The following ERCC1 variants were observed in gnomAD, a reference collection of about 807,000 sequenced individuals.
ERCC1 encodes the protein ERCC excision repair 1, endonuclease non-catalytic subunit.
ERCC1 carries 36 observed loss-of-function variants against 37.6 expected under a neutral mutation model. The observed-to-expected ratio is 0.96, with a 90% CI of 0.73 to 1.26. The LOEUF is 1.26. Ranked by LOEUF, ERCC1 falls within the 50% of genes most tolerant of loss-of-function variation. The pLI is 0.00. For synonymous variants in ERCC1, 156 were observed against 162.1 expected (o/e 0.96, Z 0.28); for missense variants, 349 against 376.5 (o/e 0.93, Z 0.60).
chr19:45,413,602 T>C lies in ERCC1; in HGVS notation c.843+75A>G, dbSNP rs374770437. The C allele has an allele frequency of 3.7e-6, 6 of 1,614,074 alleles. No homozygotes were observed. Among genetic ancestry groups the C allele is most frequent in the Non-Finnish European group, 5.1e-6 (6 of 1,180,024 alleles). ...TTGGTTCTTTTTTCACCTTAAAACT[T>C]TGGGGTCTCAGGTTGTGTTTATTTG... On this transcript the variant is annotated intron_variant, in intron 9 of 9. Transcript: ENST00000300853.
chr19:45,417,431 T>G (rs1974131396), intron 5 of ERCC1, among the ~76,000 whole-genome samples: 1 of 151,526 alleles, frequency 6.6e-6, no homozygotes, highest in Non-Finnish European at 1.5e-5. Context: ...CAAAGGAGGA[T>G]GAGGAGGAGG....
intron 1 of ERCC1, among the ~76,000 whole-genome samples, chr19:45,450,082 G>A (rs552689777): frequency 6.6e-6 from 1 of 152,282 alleles, no homozygotes; most frequent in East Asian, 1.9e-4. Context: ...GGATTTGATG[G>A]TCACAATTCT....
intron 3 of ERCC1, 90 bp downstream of exon 3, chr19:45,421,088 G>A: frequency 1.9e-6 from 2 of 1,079,352 alleles, no homozygotes; most frequent in East Asian, 2.4e-5. Context: ...AAAGTGGCTG[G>A]AACTCAGACC....
In ERCC1 at chr19:45,408,909, A is replaced by G. The variant is rs756736472; in HGVS notation, c.*766T>C. The G allele has an allele frequency of 6.2e-7, 1 of 1,614,108 alleles. No individual in the cohort carries two copies. Among genetic ancestry groups the G allele is most frequent in the South Asian group, 1.1e-5 (1 of 91,080 alleles). ...ACAGTTGAGTCTCAGCCACAGGTGA[A>G]GGTGGAGCCACTGGAGGAAGCCATC... On this transcript the variant is annotated 3_prime_UTR_variant, in exon 10 of 10. Transcript: ENST00000300853.
At chr19:45,439,450 C>A (rs1975061557) in intron 1 of ERCC1, among the ~76,000 whole-genome samples, 1 of 152,164 alleles carries the variant, frequency 6.6e-6, no homozygotes, top group Non-Finnish European at 1.5e-5. Flanking sequence ...TTAATCCCAG[C>A]ACTTTGGGAG....
intron 6 of ERCC1, 41 bp from the exon 7 acceptor site, chr19:45,415,001 C>G (rs1309965306): frequency 2.7e-6 from 4 of 1,466,690 alleles, no homozygotes; most frequent in Middle Eastern, 1.7e-4. Context: ...GGTGAGGTAT[C>G]AGATTATAGA....
intron 9 of ERCC1, chr19:45,410,838 G>A (rs961457509): frequency 6.7e-6 from 1 of 150,370 alleles, no homozygotes; most frequent in Middle Eastern, 3.2e-3. Flanking sequence ...GTTTTGTTTT[G>A]TTTTGAAAAG....
rs368286738 is a variant in ERCC1, at chr19:45,408,144, G to A, written c.*1531C>T. On this transcript the variant is annotated 3_prime_UTR_variant, in exon 10 of 10. Coordinates refer to ENST00000300853, the MANE Select transcript of ERCC1 (RefSeq NM_001983.4). ...GTTTCTCTCTGTAGCTTCAATGGGCGGCATGTGCCTCTCTCTGGCTCCCAG... is the reference window on the plus strand; with the variant it reads ...GTTTCTCTCTGTAGCTTCAATGGGCAGCATGTGCCTCTCTCTGGCTCCCAG... 96 of 1,598,468 alleles carry A rather than the reference G, an allele frequency of 6.0e-5. No individual in the cohort carries two copies. The highest frequency in any genetic ancestry group is 7.1e-5 in the Non-Finnish European group (83 of 1,168,508).
chr19:45,421,397 T>C lies in ERCC1; in HGVS notation c.106-4A>G, dbSNP rs572990633. 6.3e-7 allele frequency: 1 copy of C among 1,595,796 alleles called. No homozygotes were observed. Among genetic ancestry groups the C allele is most frequent in the Non-Finnish European group, 8.6e-7 (1 of 1,167,970 alleles). ...TAGATCGGAATAAGGGCTTGGCCTGTGGGGAGAAAGGGAGTTTGCAGGGGA... is the reference window on the plus strand; with the variant it reads ...TAGATCGGAATAAGGGCTTGGCCTGCGGGGAGAAAGGGAGTTTGCAGGGGA... On this transcript the variant is annotated splice_polypyrimidine_tract_variant and splice_region_variant and intron_variant, in intron 2 of 9. Transcript: ENST00000300853.
intron 1 of ERCC1, among the ~76,000 whole-genome samples, chr19:45,430,591 C>T (rs1974807419): frequency 6.6e-6 from 1 of 152,274 alleles, no homozygotes; most frequent in South Asian, 2.1e-4. Flanking sequence ...GGTTCCCCAG[C>T]ACCCCTTTGG....
intron 5 of ERCC1, 67 bp from the exon 6 acceptor site, chr19:45,416,964 G>T: frequency 8.6e-7 from 1 of 1,165,292 alleles, no homozygotes; most frequent in Non-Finnish European, 1.3e-6. Flanking sequence ...AGGCGTGGTG[G>T]CAGGTGCCTG....
At position 45,408,851 on chromosome 19, in the gene ERCC1, G is replaced by C. The variant is rs1250606238; in HGVS notation, c.*824C>G. 9 of 1,614,036 alleles carry C rather than the reference G, an allele frequency of 5.6e-6. No individual in the cohort carries two copies. The highest frequency in any genetic ancestry group is 6.8e-6 in the Non-Finnish European group (8 of 1,180,052). On this transcript the variant is annotated 3_prime_UTR_variant, in exon 10 of 10. Transcript: ENST00000300853. ...GACCAAAAAGAGAAAGAGGCAAAAG[G>C]GGACGGAAGGGATGGAGCCAGAGGA...
At position 45,414,964 on chromosome 19, in the gene ERCC1, G is replaced by A. The variant is rs758437794; in HGVS notation, c.603-4C>T. 6.2e-7 allele frequency: 1 copy of A among 1,607,910 alleles called. No homozygotes were observed. Among genetic ancestry groups the A allele is most frequent in the South Asian group, 1.1e-5 (1 of 90,938 alleles). On this transcript the variant is annotated splice_polypyrimidine_tract_variant and splice_region_variant and intron_variant, in intron 6 of 9. Transcript: ENST00000300853. ...GTACCGCCCAGCTTCCTCGGGGCTG[G>A]GATAACAGGATACAGGGCAGCCGGG...
chr19:45,414,354 G>A, intron 7 of ERCC1: 1 of 412,896 alleles, frequency 2.4e-6, no homozygotes, highest in Non-Finnish European at 4.6e-6. Flanking sequence ...GTGGGCACCT[G>A]TAGTCCCAGC....
chr19:45,419,958 TCC>T (rs1357468292), intron 4 of ERCC1, among the ~76,000 whole-genome samples: 19 of 22,606 alleles, frequency 8.4e-4, no homozygotes, highest in African/African-American at 3.3e-3. Flanking sequence ...CCCCAGCCCC[TCC>T]TCCCTGAGAC....
intron 1 of ERCC1, among the ~76,000 whole-genome samples, chr19:45,440,880 T>A (rs528349431): frequency 6.6e-6 from 1 of 152,178 alleles, no homozygotes; most frequent in Non-Finnish European, 1.5e-5. Flanking sequence ...ACTACAGGTG[T>A]GCACCAGCAC....
Position 45,421,172 on chromosome 19 carries a change from C to T in ERCC1, c.321+6G>A, listed in dbSNP as rs377434177. 214 of 1,613,664 alleles carry T rather than the reference C, an allele frequency of 1.3e-4. No individual in the cohort carries two copies. The highest frequency in any genetic ancestry group is 1.7e-4 in the Non-Finnish European group (204 of 1,179,810). ...CAAGGCCTCACTTCTCCGTCTCCCTCCTCACCTGCCGAGGGCTCACAATGA... is the reference window on the plus strand; with the variant it reads ...CAAGGCCTCACTTCTCCGTCTCCCTTCTCACCTGCCGAGGGCTCACAATGA... On this transcript the variant is annotated splice_donor_region_variant and intron_variant, in intron 3 of 9. Coordinates refer to ENST00000300853, the MANE Select transcript of ERCC1 (RefSeq NM_001983.4).
At position 45,409,721 on chromosome 19, in the gene ERCC1, C is replaced by T. The variant is rs779766816; in HGVS notation, c.848G>A (p.Arg283Gln). The T allele has an allele frequency of 1.7e-5, 14 of 844,850 alleles. No homozygotes were observed. The highest frequency in any genetic ancestry group is 6.7e-5 in the South Asian group (5 of 75,158). The allele number at this position is 844,850 out of a possible 1,614,324, so 52.3% of individuals were successfully genotyped here. The change falls in exon 10 of 10, where the codon CGG becomes CAG. Residue 283 changes from arginine (R) to glutamine (Q), a missense_variant. Transcript: ENST00000300853. ...CTCGTGCAGGACATCAAACAGCCTC[C>T]GGGCCTGGATGGGAGGGAGAAAAAA... is the stretch of plus-strand genomic sequence containing the variant. The part of the protein sequence containing the change: ...LCPGLGPQKA[R>Q]RLFDVLHEPF...
intron 1 of ERCC1, among the ~76,000 whole-genome samples, chr19:45,434,678 C>A (rs535996371): frequency 3.3e-5 from 5 of 151,686 alleles, no homozygotes; most frequent in African/African-American, 1.2e-4. Context: ...CTTCGCCTCC[C>A]GGGTTCAAGC....
Sources: allele counts gnomAD v4.1 joint callset (sites outside exome capture counted in the v4.1 genomes callset), GRCh38; gene constraint gnomAD v4.1.1; transcripts MANE v1.5; gene names NCBI Gene and HGNC (gene_info 2026-07-23, HGNC 2026-07-21).